Variants in PTPRD observed in about 807,000 individuals in gnomAD.
PTPRD encodes receptor-type tyrosine-protein phosphatase delta.
In PTPRD, 34 loss-of-function variants were observed where a neutral mutation model predicts 214.5. The ratio of observed to expected loss-of-function variants is 0.16; its 90% CI spans 0.12 to 0.21. The LOEUF (loss-of-function observed/expected upper bound fraction) is 0.21. PTPRD is among the 10% of genes least tolerant of loss of function. The probability of loss-of-function intolerance (pLI) is 1.00; values close to 1 mark genes in which losing one functional copy is unlikely to be tolerated. For synonymous variants in PTPRD, 1,128 were observed against 845.7 expected, an observed-to-expected ratio of 1.33 and a Z score of -5.79; for missense variants, 2,545 against 2,398.7, an observed-to-expected ratio of 1.06 and a Z score of -1.27.
chr9:10,036,787 T>C (rs549527860), intron 3 of PTPRD, among the ~76,000 whole-genome samples: 34 of 152,194 alleles, frequency 2.2e-4, no homozygotes, highest in Non-Finnish European at 4.4e-4. Context: ...TTTCATCATG[T>C]TGGCCAGGAT....
At chr9:8,982,118 C>T (rs191638711) in intron 11 of PTPRD, among the ~76,000 whole-genome samples, 1 of 151,972 alleles carries the variant, frequency 6.6e-6, no homozygotes, top group Non-Finnish European at 1.5e-5. Flanking sequence ...AATTAACACA[C>T]TGAATTTAAT....
chr9:10,083,425 T>C (rs1358413099), intron 3 of PTPRD, among the ~76,000 whole-genome samples: 3 of 152,046 alleles, frequency 2.0e-5, no homozygotes, highest in Non-Finnish European at 4.4e-5. Flanking sequence ...ACACAATGCT[T>C]GTTGTAAAGA....
rs181697084 is a variant in PTPRD, at chr9:10,547,924, G to A, written c.-600+64474C>T. ...GAGATGTAGTTGCATGGTAATTTCA[G>A]TAATGGATTTCTCTAAGTTTGTAAT... On this transcript the variant is annotated intron_variant, in intron 2 of 45. Transcript: ENST00000381196. Among the ~76,000 whole-genome samples, 10 of 152,152 alleles carry A rather than the reference G, an allele frequency of 6.6e-5. No individual in the cohort carries two copies. In the East Asian group the frequency reaches 1.9e-3, roughly 29 times the overall value.
chr9:10,381,419 T>A (rs993365488), intron 2 of PTPRD, among the ~76,000 whole-genome samples: 1 of 152,020 alleles, frequency 6.6e-6, no homozygotes, highest in South Asian at 2.1e-4. Flanking sequence ...AGCACTTGAC[T>A]GCAGCCAACT....
At chr9:9,930,336 G>T (rs753769199) in intron 5 of PTPRD, among the ~76,000 whole-genome samples, 5 of 152,172 alleles carry the variant, frequency 3.3e-5, no homozygotes, top group Non-Finnish European at 5.9e-5. Flanking sequence ...AATAAAAAGG[G>T]CAAGAATGGA....
At chr9:9,577,814 G>A (rs1316858657) in intron 7 of PTPRD, among the ~76,000 whole-genome samples, 4 of 151,980 alleles carry the variant, frequency 2.6e-5, no homozygotes, top group Non-Finnish European at 4.4e-5. Context: ...GGAAGGCTGA[G>A]GCGGGTGGAT....
At chr9:8,557,977 G>C (rs903918561) in intron 14 of PTPRD, among the ~76,000 whole-genome samples, 1 of 151,608 alleles carries the variant, frequency 6.6e-6, no homozygotes. Context: ...TAAATTTAGA[G>C]AACGCTTTAT....
chr9:9,396,097 C>T (rs906779472), intron 9 of PTPRD, among the ~76,000 whole-genome samples: 3 of 151,948 alleles, frequency 2.0e-5, no homozygotes, highest in Non-Finnish European at 2.9e-5. Flanking sequence ...AGAAGCTAGT[C>T]AAGACCCAGT....
chr9:9,959,925 G>C (rs2094231443), intron 4 of PTPRD, among the ~76,000 whole-genome samples: 1 of 152,150 alleles, frequency 6.6e-6, no homozygotes, highest in Admixed American at 6.5e-5. Context: ...ATATTTTAGA[G>C]AGATATGTCT....
intron 11 of PTPRD, among the ~76,000 whole-genome samples, chr9:8,976,157 C>A (rs902431466): frequency 1.3e-5 from 2 of 152,020 alleles, no homozygotes; most frequent in Non-Finnish European, 2.9e-5. Flanking sequence ...TTTTTCTGCA[C>A]CCTTGCTATC....
chr9:8,386,020 T>G (rs1187307259), intron 37 of PTPRD, among the ~76,000 whole-genome samples: 1 of 152,224 alleles, frequency 6.6e-6, no homozygotes, highest in Non-Finnish European at 1.5e-5. Flanking sequence ...TTGGGGAAAC[T>G]GAAGTTGTCA....
intron 5 of PTPRD, among the ~76,000 whole-genome samples, chr9:9,877,787 T>G (rs2067303300): frequency 2.0e-5 from 3 of 151,866 alleles, no homozygotes; most frequent in Admixed American, 2.0e-4. Flanking sequence ...ACATCCTGAC[T>G]AACGAGGAGA....
At chr9:10,587,243 C>A (rs921177540) in intron 2 of PTPRD, among the ~76,000 whole-genome samples, 2 of 152,036 alleles carry the variant, frequency 1.3e-5, no homozygotes, top group Non-Finnish European at 2.9e-5. Flanking sequence ...CATCTGCCGC[C>A]CTGCCTCCTT....
intron 30 of PTPRD, among the ~76,000 whole-genome samples, chr9:8,482,002 C>G (rs544060912): frequency 1.3e-5 from 2 of 152,084 alleles, no homozygotes; most frequent in Admixed American, 6.5e-5. Context: ...AGTCTGGTCT[C>G]GAACTCCTGA....
At chr9:8,356,492 C>T (rs895084124) in intron 39 of PTPRD, among the ~76,000 whole-genome samples, 3 of 152,182 alleles carry the variant, frequency 2.0e-5, no homozygotes, top group African/African-American at 7.2e-5. Context: ...CAGTCTAGTT[C>T]ATGCAATAAG....
intron 2 of PTPRD, among the ~76,000 whole-genome samples, chr9:10,464,392 G>C (rs2098979423): frequency 6.8e-6 from 1 of 147,846 alleles, no homozygotes; most frequent in Admixed American, 7.0e-5. Flanking sequence ...GAGAGAAAGA[G>C]AGAGAGAGAG....
At chr9:10,415,376 T>A (rs764787558) in intron 2 of PTPRD, among the ~76,000 whole-genome samples, 1 of 151,940 alleles carries the variant, frequency 6.6e-6, no homozygotes, top group Non-Finnish European at 1.5e-5. Flanking sequence ...TCCTATTTTA[T>A]ATGCTCAGAA....
chr9:9,660,777 T>A (rs1399478306), intron 7 of PTPRD, among the ~76,000 whole-genome samples: 2 of 151,956 alleles, frequency 1.3e-5, no homozygotes, highest in Admixed American at 1.3e-4. Flanking sequence ...TATACACAGA[T>A]TATGCATAGA....
chr9:8,534,160 A>G (rs758464474), intron 14 of PTPRD, among the ~76,000 whole-genome samples: 4 of 151,976 alleles, frequency 2.6e-5, no homozygotes, highest in Admixed American at 6.6e-5. Flanking sequence ...GAAGCACACA[A>G]TTTAGTCCTT....
Sources: gnomAD v4.1 joint callset for allele counts (sites outside exome capture counted in the v4.1 genomes callset) on GRCh38, gnomAD v4.1.1 for gene constraint, MANE v1.5 for transcripts, NCBI Gene and HGNC (gene_info 2026-07-23, HGNC 2026-07-21) for gene names.